The following PCDH15 variants were observed in gnomAD, a reference collection of about 807,000 sequenced individuals.
The protein encoded by PCDH15 is protocadherin-15.
A neutral mutation model predicts 178.5 loss-of-function variants in PCDH15; 129 were observed. The observed-to-expected ratio is 0.72, with a 90% CI of 0.63 to 0.84. PCDH15 has a LOEUF of 0.84. Among genes scored for constraint, PCDH15 ranks in the 40% least tolerant of loss-of-function variants. The probability of loss-of-function intolerance (pLI) is 0.00; values close to 1 mark genes in which losing one functional copy is unlikely to be tolerated. For synonymous variants in PCDH15, 800 were observed against 732.0 expected (o/e 1.09, Z -1.50); for missense variants, 2,230 against 2,099.9 (o/e 1.06, Z -1.21).
At chr10:54,892,583 G>A (rs370293220) in intron 3 of PCDH15, among the ~76,000 whole-genome samples, 13 of 149,784 alleles carry the variant, frequency 8.7e-5, no homozygotes, top group African/African-American at 3.2e-4. Flanking sequence ...ACCAAATTAG[G>A]GAAATTAATG....
chr10:54,403,001 G>A (rs567731642), intron 3 of PCDH15, among the ~76,000 whole-genome samples: 1 of 152,066 alleles, frequency 6.6e-6, no homozygotes, highest in Admixed American at 6.6e-5. Context: ...GCTAGACATC[G>A]TGCATCCAAC....
intron 1 of PCDH15, among the ~76,000 whole-genome samples, chr10:55,309,333 A>G (rs1843516042): frequency 6.6e-6 from 1 of 152,058 alleles, no homozygotes; most frequent in African/African-American, 2.4e-5. Flanking sequence ...CTGGGCAACA[A>G]AGCAAGACCC....
intron 5 of PCDH15, among the ~76,000 whole-genome samples, chr10:54,350,100 C>T (rs1204533087): frequency 6.6e-6 from 1 of 151,952 alleles, no homozygotes; most frequent in Non-Finnish European, 1.5e-5. Flanking sequence ...TATGAATCAT[C>T]CCTAAATATA....
intron 2 of PCDH15, among the ~76,000 whole-genome samples, chr10:54,542,819 C>A (rs1331606822): frequency 6.6e-6 from 1 of 152,112 alleles, no homozygotes; most frequent in Non-Finnish European, 1.5e-5. Context: ...TGAAGACTGG[C>A]GCTCCTGCTT....
intron 3 of PCDH15, among the ~76,000 whole-genome samples, chr10:54,468,930 T>C (rs146152418): frequency 1.6e-3 from 245 of 152,294 alleles, no homozygotes; most frequent in Non-Finnish European, 2.6e-3. Context: ...TTGATTAAAA[T>C]TCAACTTTAT....
At chr10:54,228,434 C>T (rs2053693503) in intron 9 of PCDH15, among the ~76,000 whole-genome samples, 1 of 152,128 alleles carries the variant, frequency 6.6e-6, no homozygotes, top group Admixed American at 6.5e-5. Flanking sequence ...AATTACCTCC[C>T]ACCTTGTCCC....
At chr10:54,610,559 G>A (rs556976335) in intron 2 of PCDH15, among the ~76,000 whole-genome samples, 12 of 151,920 alleles carry the variant, frequency 7.9e-5, no homozygotes, top group African/African-American at 2.2e-4. Flanking sequence ...TTGTCCTTCC[G>A]TAATATCTGA....
At chr10:54,051,999 G>A (rs2093786410) in intron 18 of PCDH15, among the ~76,000 whole-genome samples, 1 of 152,238 alleles carries the variant, frequency 6.6e-6, no homozygotes, top group Admixed American at 6.5e-5. Flanking sequence ...TGTTGGTCCT[G>A]TGGGTGCACA....
At chr10:55,378,611 A>G (rs1837454672) in intron 2 of PCDH15, among the ~76,000 whole-genome samples, 1 of 152,150 alleles carries the variant, frequency 6.6e-6, no homozygotes, top group Admixed American at 6.6e-5. Flanking sequence ...TAGAAAGTAA[A>G]CAAAAAAATT....
chr10:54,274,597 G>T (rs1033954936), intron 8 of PCDH15, among the ~76,000 whole-genome samples: 2 of 144,342 alleles, frequency 1.4e-5, no homozygotes, highest in Admixed American at 7.1e-5. Context: ...CCTTTGATTC[G>T]AAACAAAACT....
At chr10:55,187,234 A>G (rs1399903558) in intron 1 of PCDH15, among the ~76,000 whole-genome samples, 1 of 151,976 alleles carries the variant, frequency 6.6e-6, no homozygotes, top group East Asian at 1.9e-4. Flanking sequence ...CCAAGTCCCA[A>G]ACAAATACTA....
At chr10:54,646,507 T>C (rs11004432) in intron 2 of PCDH15, among the ~76,000 whole-genome samples, 9,830 of 152,120 alleles carry the variant, frequency 0.065, 860 homozygotes, top group African/African-American at 0.2. Flanking sequence ...ACAACTTCCA[T>C]CATTTTCCTA....
intron 18 of PCDH15, among the ~76,000 whole-genome samples, chr10:54,055,245 G>A (rs889865065): frequency 6.6e-6 from 1 of 152,088 alleles, no homozygotes; most frequent in Non-Finnish European, 1.5e-5. Flanking sequence ...CTCATACTGG[G>A]AATACATTTG....
intron 16 of PCDH15, among the ~76,000 whole-genome samples, chr10:54,087,588 T>C (rs116873363): frequency 0.012 from 1,783 of 152,338 alleles, 9 homozygotes; most frequent in Non-Finnish European, 0.019. Context: ...TTTTGTACCA[T>C]TGTAAATAAT....
In PCDH15 at chr10:53,807,464, A is replaced by G. The variant is rs1841266107; in HGVS notation, c.4672-334T>C. Among the ~76,000 whole-genome samples, 3 of 152,292 alleles carry G rather than the reference A, an allele frequency of 2.0e-5. No homozygotes were observed. In the South Asian group the frequency reaches 6.2e-4, roughly 32 times the overall value. On this transcript the variant is annotated intron_variant, in intron 37 of 37. Transcript: ENST00000644397. ...TTAAGGAGCTGATCCACTATTTGAC[A>G]GCTGCTCTACTATTCAGGAAAGTTA...
At chr10:55,098,376 A>C (rs1176402450) in intron 2 of PCDH15, among the ~76,000 whole-genome samples, 1 of 152,122 alleles carries the variant, frequency 6.6e-6, no homozygotes, top group Non-Finnish European at 1.5e-5. Flanking sequence ...GAAGGTAAGG[A>C]AGTCCTTGGT....
At chr10:54,714,693 C>T (rs2095459430) in intron 1 of PCDH15, among the ~76,000 whole-genome samples, 1 of 152,106 alleles carries the variant, frequency 6.6e-6, no homozygotes, top group African/African-American at 2.4e-5. Flanking sequence ...AAGTTAAGTT[C>T]TTCAAGCCCA....
chr10:53,861,199 G>C (rs565848574), intron 27 of PCDH15, among the ~76,000 whole-genome samples: 18 of 152,072 alleles, frequency 1.2e-4, no homozygotes, highest in Non-Finnish European at 7.4e-5. Flanking sequence ...TTCCAGTATA[G>C]CTTCTGCAAA....
intron 2 of PCDH15, among the ~76,000 whole-genome samples, chr10:55,406,728 T>C (rs2132030764): frequency 6.6e-6 from 1 of 152,256 alleles, no homozygotes; most frequent in African/African-American, 2.4e-5. Flanking sequence ...ATAGGTATTT[T>C]GGAGTCACTG....
Sources: allele counts gnomAD v4.1 joint callset (sites outside exome capture counted in the v4.1 genomes callset), GRCh38; gene constraint gnomAD v4.1.1; transcripts MANE v1.5; gene names NCBI Gene and HGNC (gene_info 2026-07-23, HGNC 2026-07-21).